Variants in ITPR2 observed in about 807,000 individuals in gnomAD.
ITPR2 encodes inositol 1,4,5-trisphosphate-gated calcium channel ITPR2.
A neutral mutation model predicts 317.1 loss-of-function variants in ITPR2; 207 were observed. The ratio of observed to expected loss-of-function variants is 0.65; its 90% CI spans 0.58 to 0.73. The LOEUF is 0.73. Ranked by LOEUF, ITPR2 falls within the 30% of genes least tolerant of loss-of-function variation. The pLI, the probability that ITPR2 is intolerant of heterozygous loss-of-function variation, is 0.00. For missense variants in ITPR2, 2,613 were observed against 3,284.0 expected (o/e 0.80, Z 4.99); for synonymous variants, 1,156 against 1,149.1 (o/e 1.01, Z -0.12).
intron 11 of ITPR2, among the ~76,000 whole-genome samples, chr12:26,683,204 C>T (rs1948068497): frequency 6.6e-6 from 1 of 152,102 alleles, no homozygotes; most frequent in African/African-American, 2.4e-5. Flanking sequence ...TTATTTGTAG[C>T]CCCCAAATCA....
intron 32 of ITPR2, among the ~76,000 whole-genome samples, chr12:26,581,358 G>A (rs1945399938): frequency 6.6e-6 from 1 of 152,126 alleles, no homozygotes; most frequent in Non-Finnish European, 1.5e-5. Flanking sequence ...TCCCATCTGA[G>A]CAGTTCACTT....
At chr12:26,359,307 T>A (rs1938746321) in intron 55 of ITPR2, among the ~76,000 whole-genome samples, 2 of 152,348 alleles carry the variant, frequency 1.3e-5, no homozygotes, top group Non-Finnish European at 2.9e-5. Flanking sequence ...TGGAAAGGTC[T>A]GTGCACCATA....
chr12:26,704,744 T>C (rs995047185), intron 9 of ITPR2, among the ~76,000 whole-genome samples: 1 of 152,182 alleles, frequency 6.6e-6, no homozygotes, highest in Non-Finnish European at 1.5e-5. Flanking sequence ...TAATACTATA[T>C]AATATACATT....
intron 34 of ITPR2, among the ~76,000 whole-genome samples, chr12:26,567,797 A>G (rs890721483): frequency 4.0e-5 from 6 of 151,430 alleles, no homozygotes; most frequent in African/African-American, 1.5e-4. Flanking sequence ...AAAACAAAAA[A>G]GAAAATTATG....
chr12:26,431,338 T>C (rs142188356), intron 48 of ITPR2, among the ~76,000 whole-genome samples: 26 of 152,318 alleles, frequency 1.7e-4, no homozygotes, highest in African/African-American at 6.3e-4. Flanking sequence ...TGGGTAGGGA[T>C]ATCTGGCGTG....
At chr12:26,740,345 G>A (rs369831504) in intron 2 of ITPR2, among the ~76,000 whole-genome samples, 22 of 152,252 alleles carry the variant, frequency 1.4e-4, no homozygotes, top group East Asian at 9.6e-4. Flanking sequence ...GTTAAAATCC[G>A]TGAGCTCATA....
chr12:26,592,532 T>C (rs1379731993), intron 32 of ITPR2, among the ~76,000 whole-genome samples: 1 of 152,198 alleles, frequency 6.6e-6, no homozygotes, highest in Non-Finnish European at 1.5e-5. Context: ...CATAAATATA[T>C]ACAGCTACTA....
At chr12:26,582,003 A>C (rs1041767334) in intron 32 of ITPR2, among the ~76,000 whole-genome samples, 1 of 152,200 alleles carries the variant, frequency 6.6e-6, no homozygotes, top group Non-Finnish European at 1.5e-5. Flanking sequence ...TCAGTGGATT[A>C]ATGAAAATAA....
chr12:26,828,941 T>A (rs150551295), intron 1 of ITPR2, among the ~76,000 whole-genome samples: 1 of 152,216 alleles, frequency 6.6e-6, no homozygotes, highest in Non-Finnish European at 1.5e-5. Flanking sequence ...TTTGTTGAGA[T>A]GGAAGACCTA....
At chr12:26,784,276 T>C (rs77561679) in intron 2 of ITPR2, among the ~76,000 whole-genome samples, 176 of 46,834 alleles carry the variant, frequency 3.8e-3, no homozygotes, top group Middle Eastern at 7.0e-3. Flanking sequence ...CCTCTCCCTC[T>C]CCCTCTCCCT....
chr12:26,809,080 C>T (rs1950688170), intron 1 of ITPR2, among the ~76,000 whole-genome samples: 1 of 152,096 alleles, frequency 6.6e-6, no homozygotes, highest in African/African-American at 2.4e-5. Context: ...CTTCCTGGAC[C>T]CAAAAGGAAA....
At chr12:26,441,611 G>A (rs1444257404) in intron 46 of ITPR2, among the ~76,000 whole-genome samples, 2 of 152,172 alleles carry the variant, frequency 1.3e-5, no homozygotes, top group Non-Finnish European at 2.9e-5. Context: ...TCAGATGAGT[G>A]CAAGAGCTGA....
At chr12:26,580,315 T>A (rs1355856562) in intron 32 of ITPR2, among the ~76,000 whole-genome samples, 160 bp from the exon 33 acceptor site, 1 of 152,174 alleles carries the variant, frequency 6.6e-6, no homozygotes, top group African/African-American at 2.4e-5. Flanking sequence ...GAAATCATGA[T>A]AATTGTATCA....
chr12:26,593,740 T>TGGG (rs1367818765), intron 32 of ITPR2, among the ~76,000 whole-genome samples: 3,990 of 29,010 alleles, frequency 0.14, 152 homozygotes, highest in African/African-American at 0.25. Context: ...TTTTTTTGTT[T>TGGG]TTTTTTTTGT....
intron 55 of ITPR2, among the ~76,000 whole-genome samples, chr12:26,360,583 C>T (rs980110938): frequency 6.6e-6 from 1 of 152,178 alleles, no homozygotes; most frequent in African/African-American, 2.4e-5. Context: ...AACTTCAGAG[C>T]TGACAAGGCT....
intron 50 of ITPR2, among the ~76,000 whole-genome samples, chr12:26,418,448 A>T (rs1028108255): frequency 6.6e-6 from 1 of 152,168 alleles, no homozygotes; most frequent in African/African-American, 2.4e-5. Flanking sequence ...TAGGAAGGTA[A>T]ATCAGAATTT....
At chr12:26,771,846 A>G (rs1949849027) in intron 2 of ITPR2, among the ~76,000 whole-genome samples, 1 of 152,064 alleles carries the variant, frequency 6.6e-6, no homozygotes, top group South Asian at 2.1e-4. Flanking sequence ...GGGGGGATTT[A>G]TGTCACAGCA....
intron 37 of ITPR2, among the ~76,000 whole-genome samples, chr12:26,533,435 C>G (rs1451338713): frequency 6.6e-6 from 1 of 152,190 alleles, no homozygotes; most frequent in East Asian, 1.9e-4. Flanking sequence ...CTGCTGTCAG[C>G]AAAATGCGCA....
intron 55 of ITPR2, among the ~76,000 whole-genome samples, chr12:26,371,312 G>A (rs1939182649): frequency 1.3e-5 from 2 of 152,168 alleles, no homozygotes; most frequent in Non-Finnish European, 2.9e-5. Flanking sequence ...CAGAAAACTG[G>A]TGCTAGAAAG....
Sources: allele counts gnomAD v4.1 joint callset (sites outside exome capture counted in the v4.1 genomes callset), GRCh38; gene constraint gnomAD v4.1.1; transcripts MANE v1.5; gene names NCBI Gene and HGNC (gene_info 2026-07-23, HGNC 2026-07-21).